The following KDM4B variants were observed in gnomAD, a reference collection of about 807,000 sequenced individuals.
KDM4B encodes lysine-specific demethylase 4B.
A neutral mutation model predicts 125.2 loss-of-function variants in KDM4B; 32 were observed. The observed-to-expected ratio is 0.26, with a 90% CI of 0.19 to 0.34. The LOEUF (loss-of-function observed/expected upper bound fraction) is 0.34, where lower values mean the gene tolerates loss of function less well. KDM4B is among the 10% of genes least tolerant of loss of function. The probability of loss-of-function intolerance (pLI) is 1.00; values close to 1 mark genes in which losing one functional copy is unlikely to be tolerated. For missense variants in KDM4B, 1,190 were observed against 1,577.7 expected (o/e 0.75, Z 4.16); for synonymous variants, 721 against 677.9 (o/e 1.06, Z -0.99).
At position 5,114,129 on chromosome 19, in the gene KDM4B, C is replaced by T. The variant is rs1175089758; in HGVS notation, c.1115+3311C>T. On this transcript the variant is annotated intron_variant, in intron 10 of 22. Coordinates refer to ENST00000159111, the MANE Select transcript of KDM4B (RefSeq NM_015015.3). This position sits in a 1 kb window ranked among gnomAD's most constrained non-coding sequence, Gnocchi z 5.8. ...GTGCGTTCTGGTGCCCTGCCTGAGC[C>T]GGAGCCCTCACAGTGCTCTCTGGCA... 1.0e-5 allele frequency: 13 copies of T among 1,289,458 alleles called. No individual in the cohort carries two copies. Among genetic ancestry groups the T allele is most frequent in the Admixed American group, 2.3e-5 (1 of 43,554 alleles). The allele number at this position is 1,289,458 out of a possible 1,614,324, so 79.9% of individuals were successfully genotyped here. A position where few individuals can be genotyped will look rare whatever the true frequency, so the allele number is the denominator to read the frequency against.
At chr19:5,040,696 T>C (rs369870368) in intron 4 of KDM4B, among the ~76,000 whole-genome samples, 1 of 152,302 alleles carries the variant, frequency 6.6e-6, no homozygotes, top group East Asian at 1.9e-4. Flanking sequence ...CTCCACCCTG[T>C]CTGTGGCCTC....
intron 9 of KDM4B, among the ~76,000 whole-genome samples, chr19:5,088,834 G>A (rs899734382): frequency 2.0e-5 from 3 of 152,140 alleles, no homozygotes; most frequent in African/African-American, 4.8e-5. Context: ...TGGGGAATAC[G>A]GTAAACAAAG....
At position 5,091,778 on chromosome 19, in the gene KDM4B, C is replaced by A. The variant is rs984394193; in HGVS notation, c.918+9274C>A. ...GGGAAGGGTGGGAGGGAGGAGGGCC[C>A]ACGGAGGTGCGGGAAACTCCAGCCA... On this transcript the variant is annotated intron_variant, in intron 9 of 22. Coordinates refer to ENST00000159111, the MANE Select transcript of KDM4B (RefSeq NM_015015.3). 3.7e-4 allele frequency among the ~76,000 whole-genome samples: 57 copies of A among 152,180 alleles called. 1 individual carries two copies. Among genetic ancestry groups the A allele is most frequent in the Admixed American group, 3.3e-4 (5 of 15,300 alleles).
Position 5,091,275 on chromosome 19 carries a change from CAG to C in KDM4B, c.918+8774_918+8775del, listed in dbSNP as rs1347189550. On this transcript the variant is annotated intron_variant, in intron 9 of 22. Transcript: ENST00000159111. ...CGGGGAGAGTTGACTGAGGATTAAA[CAG>C]AGCGCGAGAGATGTGAAGCCTGGCT... is the stretch of plus-strand genomic sequence containing the variant. Among the ~76,000 whole-genome samples, 19 of 152,328 alleles carry C rather than the reference CAG, an allele frequency of 1.2e-4. No individual in the cohort carries two copies. In the East Asian group the frequency reaches 2.7e-3, roughly 22 times the overall value.
At chr19:5,010,891 A>G (rs1599407430) in intron 1 of KDM4B, among the ~76,000 whole-genome samples, 1 of 152,056 alleles carries the variant, frequency 6.6e-6, no homozygotes, top group East Asian at 1.9e-4. Flanking sequence ...CAAGTGACCC[A>G]CCTGCCTCGG....
At chr19:5,134,602 TC>T (rs1183860341) in intron 14 of KDM4B, among the ~76,000 whole-genome samples, 3 of 151,968 alleles carry the variant, frequency 2.0e-5, no homozygotes, top group African/African-American at 7.3e-5. Context: ...ATCTCTTAGA[TC>T]CCCCCTTCTC....
At chr19:5,122,456 C>T (rs1349043082) in intron 11 of KDM4B, among the ~76,000 whole-genome samples, 1 of 152,212 alleles carries the variant, frequency 6.6e-6, no homozygotes, top group Non-Finnish European at 1.5e-5. Context: ...ATTCCTCTGC[C>T]TGCCACATGC....
chr19:5,045,235 G>C (rs1185887671), intron 5 of KDM4B, among the ~76,000 whole-genome samples: 1 of 152,194 alleles, frequency 6.6e-6, no homozygotes, highest in Non-Finnish European at 1.5e-5. Flanking sequence ...GTGCATCCTG[G>C]CCACCCTGGG....
rs958432306 is a variant in KDM4B at position 5,131,409 on chromosome 19, C to A, written c.1649C>A (p.Ala550Asp). The part of the protein sequence containing the change: ...FNQEHVSCQQ[A>D]FEHFAQKGPT... ...CAGGAGCACGTGTCCTGCCAGCAGG[C>A]CTTTGAGCACTTTGCCCAGAAGGGT... is the stretch of plus-strand genomic sequence containing the variant. The change falls in exon 12 of 23, where the codon GCC becomes GAC. Residue 550 changes from alanine to aspartate, a missense_variant. By Grantham distance (126) the Ala-to-Asp change is moderately radical (BLOSUM62 -2). Coordinates refer to ENST00000159111, the MANE Select transcript of KDM4B (RefSeq NM_015015.3). The A allele has an allele frequency of 2.5e-6, 4 of 1,611,292 alleles. No individual in the cohort carries two copies. In the African/African-American group the frequency reaches 4.0e-5, roughly 16 times the overall value.
At position 5,133,931 on chromosome 19, in the gene KDM4B, T is replaced by G; in HGVS notation, c.1955T>G (p.Leu652Trp). The G allele has an allele frequency of 6.2e-7, 1 of 1,613,144 alleles. No individual in the cohort carries two copies. Among genetic ancestry groups the G allele is most frequent in the Non-Finnish European group, 8.5e-7 (1 of 1,179,944 alleles). Residue 652 changes from leucine (L) to tryptophan (W), a missense_variant, in exon 14 of 23, where the codon TTG becomes TGG. Physicochemically the swap from Leu to Trp is moderately conservative, Grantham distance 61. Transcript: ENST00000159111. ...GAAGATGTGAGTGACCCGGACGCCT[T>G]GAGGCCGCTGCTGTCTCTGCAGTGG... ...GEEDVSDPDA[L>W]RPLLSLQWKN...
At chr19:5,104,426 C>T (rs147735634) in intron 9 of KDM4B, among the ~76,000 whole-genome samples, 2 of 151,744 alleles carry the variant, frequency 1.3e-5, no homozygotes, top group Admixed American at 6.6e-5. Flanking sequence ...AGTTGGAAAC[C>T]GTTTTGCTCT....
At chr19:5,137,932 C>T in intron 17 of KDM4B, 30 bp from the exon 18 acceptor site, 1 of 1,573,198 alleles carries the variant, frequency 6.4e-7, no homozygotes, top group Admixed American at 1.7e-5. Flanking sequence ...CTCAGAGGCG[C>T]ACCTGACCCC....
intron 1 of KDM4B, among the ~76,000 whole-genome samples, chr19:4,989,218 G>A (rs2034951046): frequency 6.6e-6 from 1 of 152,216 alleles, no homozygotes; most frequent in South Asian, 2.1e-4. Flanking sequence ...CGCTTGCAGA[G>A]TGCTGGTTCT....
chr19:5,056,720 A>G (rs2145750852), intron 6 of KDM4B, among the ~76,000 whole-genome samples: 1 of 152,080 alleles, frequency 6.6e-6, no homozygotes, highest in South Asian at 2.1e-4. Context: ...CCCTTTCTTA[A>G]GGTTAACTGA....
intron 6 of KDM4B, among the ~76,000 whole-genome samples, chr19:5,056,298 C>T (rs563685960): frequency 2.0e-4 from 30 of 152,292 alleles, no homozygotes; most frequent in East Asian, 3.9e-4. Flanking sequence ...CCTGGTCACC[C>T]GGCTTGGGTG....
chr19:5,042,690 G>T (rs966840383), intron 5 of KDM4B, among the ~76,000 whole-genome samples: 1 of 151,422 alleles, frequency 6.6e-6, no homozygotes, highest in Non-Finnish European at 1.5e-5. Context: ...GAGGGGGGGG[G>T]CGCCGTAGGC....
intron 1 of KDM4B, among the ~76,000 whole-genome samples, chr19:4,991,096 C>T (rs571499006): frequency 8.5e-5 from 13 of 152,080 alleles, no homozygotes; most frequent in South Asian, 6.2e-4. Context: ...CCTGCCTGGG[C>T]GACAGAGTGA....
chr19:5,004,466 C>T (rs8110642), intron 1 of KDM4B, among the ~76,000 whole-genome samples: 138,752 of 152,152 alleles, frequency 0.91, 63,447 homozygotes, highest in African/African-American at 0.96. Flanking sequence ...GATCCAGAGA[C>T]GGATCGTCAG....
intron 1 of KDM4B, among the ~76,000 whole-genome samples, chr19:4,993,918 AT>A (rs371701053): frequency 2.8e-5 from 4 of 141,732 alleles, no homozygotes; most frequent in Non-Finnish European, 3.0e-5. Context: ...CACCTGGCAC[AT>A]TTTTTTTTAA....
Sources: allele counts gnomAD v4.1 joint callset (sites outside exome capture counted in the v4.1 genomes callset), GRCh38; gene constraint gnomAD v4.1.1; non-coding constraint Gnocchi (gnomAD v3.1); transcripts MANE v1.5; gene names NCBI Gene and HGNC (gene_info 2026-07-23, HGNC 2026-07-21).